ERBB4: variants seen among roughly 807,000 people sequenced by gnomAD.
ERBB4 encodes erb-b2 receptor tyrosine kinase 4, also known as receptor tyrosine-protein kinase erbB-4.
Under a neutral mutation model 158.0 loss-of-function variants are expected in ERBB4, and 42 were observed. That is an observed-to-expected ratio of 0.27 (90% CI 0.21 to 0.34). The LOEUF (loss-of-function observed/expected upper bound fraction) is 0.34. Among genes scored for constraint, ERBB4 ranks in the 10% least tolerant of loss-of-function variants. The pLI, the probability that ERBB4 is intolerant of heterozygous loss-of-function variation, is 1.00. For missense variants in ERBB4, 1,333 were observed against 1,624.1 expected (o/e 0.82, Z 3.08); for synonymous variants, 583 against 558.7 (o/e 1.04, Z -0.61).
At chr2:211,818,246 A>G (rs1273498362) in intron 3 of ERBB4, among the ~76,000 whole-genome samples, 1 of 152,124 alleles carries the variant, frequency 6.6e-6, no homozygotes, top group Non-Finnish European at 1.5e-5. Context: ...ATATCTAAAT[A>G]TTTAGGGGAC....
chr2:211,745,729 ACAAAAC>A lies in ERBB4; in HGVS notation c.622+4904_622+4909del, dbSNP rs1196499783. Among the ~76,000 whole-genome samples the A allele has an allele frequency of 2.1e-4, 25 of 121,120 alleles. 1 individual carries two copies. Among genetic ancestry groups the A allele is most frequent in the South Asian group, 7.8e-4 (3 of 3,866 alleles). The allele number at this position is 121,120 out of a possible 152,430, so 79.5% of individuals were successfully genotyped here. On this transcript the variant is annotated intron_variant, in intron 5 of 27. Transcript: ENST00000342788. The stretch of plus-strand genomic sequence containing the variant: ...CTCCACCGCCAGAAAAAAAACAAAA[ACAAAAC>A]AAAAAAAACCCTTAGGTAAGTATAC...
chr2:212,428,965 TTA>T (rs1329764983), intron 1 of ERBB4, among the ~76,000 whole-genome samples: 2 of 152,122 alleles, frequency 1.3e-5, no homozygotes, highest in Non-Finnish European at 2.9e-5. Flanking sequence ...AGCAACTACT[TTA>T]TGAGACATTC....
chr2:212,081,875 C>A (rs905548050), intron 2 of ERBB4, among the ~76,000 whole-genome samples: 3 of 152,104 alleles, frequency 2.0e-5, no homozygotes, highest in Non-Finnish European at 4.4e-5. Context: ...CAGCAAACAT[C>A]AGACAATTAT....
chr2:211,434,920 A>C (rs2063818256), intron 20 of ERBB4, among the ~76,000 whole-genome samples: 1 of 152,208 alleles, frequency 6.6e-6, no homozygotes, highest in South Asian at 2.1e-4. Flanking sequence ...TACTTACTAA[A>C]GCCACCTTAG....
intron 1 of ERBB4, among the ~76,000 whole-genome samples, chr2:212,375,356 T>C (rs1236517293): frequency 2.0e-5 from 3 of 152,126 alleles, no homozygotes; most frequent in Non-Finnish European, 4.4e-5. Flanking sequence ...ACTAAATCAA[T>C]GTGAAATTCA....
intron 1 of ERBB4, among the ~76,000 whole-genome samples, chr2:212,535,233 C>G (rs540436249): frequency 1.3e-5 from 2 of 151,406 alleles, no homozygotes; most frequent in Admixed American, 1.3e-4. Context: ...CTAAAAAGCC[C>G]CCTTTTATAT....
At chr2:212,057,225 GCTAA>G (rs1390046652) in intron 2 of ERBB4, among the ~76,000 whole-genome samples, 1 of 152,192 alleles carries the variant, frequency 6.6e-6, no homozygotes, top group African/African-American at 2.4e-5. Flanking sequence ...AACAAGAAGA[GCTAA>G]CTGTTCTAAA....
intron 3 of ERBB4, among the ~76,000 whole-genome samples, chr2:211,887,004 T>C (rs2078819980): frequency 6.6e-6 from 1 of 152,192 alleles, no homozygotes; most frequent in Non-Finnish European, 1.5e-5. Flanking sequence ...TAAAAGCAAA[T>C]GTGGGAGGAA....
intron 1 of ERBB4, among the ~76,000 whole-genome samples, chr2:212,525,867 T>C (rs1337388805): frequency 6.6e-6 from 1 of 151,978 alleles, no homozygotes; most frequent in Admixed American, 6.6e-5. Flanking sequence ...AATCACAAAA[T>C]TATCATAAAA....
chr2:212,418,029 G>A (rs1182557453), intron 1 of ERBB4, among the ~76,000 whole-genome samples: 1 of 151,840 alleles, frequency 6.6e-6, no homozygotes, highest in Non-Finnish European at 1.5e-5. Flanking sequence ...CAACAAAAAG[G>A]CAGCCATCAG....
chr2:212,264,217 T>C (rs1049077725), intron 1 of ERBB4, among the ~76,000 whole-genome samples: 1 of 152,112 alleles, frequency 6.6e-6, no homozygotes, highest in Non-Finnish European at 1.5e-5. Context: ...ATTAAACCCA[T>C]ACCCAATGTA....
intron 16 of ERBB4, among the ~76,000 whole-genome samples, chr2:211,656,821 C>G (rs1036688811): frequency 1.3e-5 from 2 of 152,048 alleles, no homozygotes; most frequent in African/African-American, 4.8e-5. Flanking sequence ...CCTTTTTATT[C>G]TATTGCTCAG....
chr2:212,453,037 T>C (rs1409123558), intron 1 of ERBB4, among the ~76,000 whole-genome samples: 1 of 152,174 alleles, frequency 6.6e-6, no homozygotes, highest in African/African-American at 2.4e-5. Flanking sequence ...TGCTCTGACA[T>C]TTTAAAGTTG....
At position 211,513,327 on chromosome 2, in the gene ERBB4, C is replaced by A; in HGVS notation, c.2487+48576G>T. Reference sequence around the variant, plus strand: ...GATTGCGCCACTGCAGTCCGCAGTCCGGCCTGGGCGACAGAGCGAGACTCC... The same window carrying A: ...GATTGCGCCACTGCAGTCCGCAGTCAGGCCTGGGCGACAGAGCGAGACTCC... On this transcript the variant is annotated intron_variant, in intron 20 of 27. Transcript: ENST00000342788. 1.5e-5 allele frequency among the ~76,000 whole-genome samples: 2 copies of A among 133,132 alleles called. 1 individual carries two copies. The highest frequency in any genetic ancestry group is 3.1e-5 in the Non-Finnish European group (2 of 65,320). The allele number at this position is 133,132 out of a possible 152,430, so 87.3% of individuals were successfully genotyped here.
intron 1 of ERBB4, among the ~76,000 whole-genome samples, chr2:212,350,069 T>TC (rs576715464): frequency 1.1e-3 from 173 of 152,272 alleles, no homozygotes; most frequent in Non-Finnish European, 1.2e-3. Flanking sequence ...CTCTTTTTTT[T>TC]CTGCCATGTG....
At chr2:212,343,377 T>C (rs562378380) in intron 1 of ERBB4, among the ~76,000 whole-genome samples, 1 of 152,280 alleles carries the variant, frequency 6.6e-6, no homozygotes, top group Non-Finnish European at 1.5e-5. Flanking sequence ...AGTATTCAGG[T>C]GAAATTAAAT....
intron 4 of ERBB4, among the ~76,000 whole-genome samples, chr2:211,766,400 T>C (rs768230145): frequency 5.3e-5 from 8 of 151,984 alleles, no homozygotes; most frequent in Admixed American, 2.6e-4. Flanking sequence ...AACTTTGAAA[T>C]AAAAGTCCTG....
chr2:212,081,366 T>C (rs2078437506), intron 2 of ERBB4, among the ~76,000 whole-genome samples: 1 of 152,048 alleles, frequency 6.6e-6, no homozygotes, highest in Admixed American at 6.6e-5. Flanking sequence ...AAGGAGACAG[T>C]ATAAACCTGT....
intron 1 of ERBB4, among the ~76,000 whole-genome samples, chr2:212,359,870 A>C (rs2089617581): frequency 6.6e-6 from 1 of 151,708 alleles, no homozygotes; most frequent in Non-Finnish European, 1.5e-5. Context: ...TTTTTTCAAG[A>C]AAGAATAAGT....
Sources: gnomAD v4.1 joint callset for allele counts (sites outside exome capture counted in the v4.1 genomes callset) on GRCh38, gnomAD v4.1.1 for gene constraint, MANE v1.5 for transcripts, NCBI Gene and HGNC (gene_info 2026-07-23, HGNC 2026-07-21) for gene names.